Variants in BMP6 observed in about 807,000 individuals in gnomAD.
The protein encoded by BMP6 is bone morphogenetic protein 6.
Under a neutral mutation model 54.1 loss-of-function variants are expected in BMP6, and 17 were observed. That is an observed-to-expected ratio of 0.31 (90% confidence interval 0.22 to 0.47). BMP6 has a LOEUF of 0.47. BMP6 is among the 20% of genes least tolerant of loss of function. The probability of loss-of-function intolerance (pLI) is 1.00; values close to 1 mark genes in which losing one functional copy is unlikely to be tolerated. For synonymous variants in BMP6, 328 were observed against 291.2 expected (o/e 1.13, Z -1.28); for missense variants, 720 against 690.4 (o/e 1.04, Z -0.48).
At chr6:7,730,828 C>T (rs769544482) in intron 1 of BMP6, among the ~76,000 whole-genome samples, 7 of 152,196 alleles carry the variant, frequency 4.6e-5, no homozygotes, top group Non-Finnish European at 1.0e-4. Context: ...GAAAGATAAA[C>T]ATGACAGCGC....
At chr6:7,804,500 C>T (rs915975864) in intron 1 of BMP6, among the ~76,000 whole-genome samples, 1 of 152,084 alleles carries the variant, frequency 6.6e-6, no homozygotes, top group South Asian at 2.1e-4. Flanking sequence ...GGACCAGTCG[C>T]CAAAGTCCTT....
intron 1 of BMP6, among the ~76,000 whole-genome samples, chr6:7,745,397 C>T (rs1757331766): frequency 6.6e-6 from 1 of 152,178 alleles, no homozygotes; most frequent in South Asian, 2.1e-4. Context: ...CCCTAGCCTC[C>T]TGAGTAGCTG....
intron 1 of BMP6, among the ~76,000 whole-genome samples, chr6:7,814,602 C>G (rs529494385): frequency 2.6e-5 from 4 of 152,288 alleles, no homozygotes; most frequent in Admixed American, 2.0e-4. Flanking sequence ...CTACCTTTCT[C>G]TTCCTCTCAT....
intron 4 of BMP6, among the ~76,000 whole-genome samples, chr6:7,867,549 T>C (rs1759445133): frequency 6.6e-6 from 1 of 152,202 alleles, no homozygotes; most frequent in Non-Finnish European, 1.5e-5. Flanking sequence ...CCATGGACAT[T>C]CAAAGCTTGG....
At chr6:7,871,075 T>TTG (rs3031042) in intron 4 of BMP6, among the ~76,000 whole-genome samples, 93 of 151,536 alleles carry the variant, frequency 6.1e-4, no homozygotes, top group African/African-American at 1.5e-3. Context: ...ACAAATAGTT[T>TTG]TGTGTGTGTG....
intron 2 of BMP6, among the ~76,000 whole-genome samples, chr6:7,846,948 G>A (rs1460394529): frequency 2.0e-5 from 3 of 152,008 alleles, no homozygotes; most frequent in Admixed American, 6.6e-5. Context: ...GTTTTTCTCC[G>A]TCCTGCAGGA....
At chr6:7,728,849 G>A (rs1375679971) in intron 1 of BMP6, among the ~76,000 whole-genome samples, 11 of 152,192 alleles carry the variant, frequency 7.2e-5, no homozygotes. Context: ...TCTTTTAACG[G>A]CATTACTTAC....
intron 4 of BMP6, among the ~76,000 whole-genome samples, chr6:7,878,815 A>G (rs1048761989): frequency 1.8e-4 from 28 of 152,332 alleles, no homozygotes; most frequent in African/African-American, 6.0e-4. Context: ...AGGGCTCACA[A>G]CACACCTCTG....
At position 7,861,561 on chromosome 6, in the gene BMP6, A is replaced by G. The variant is rs1427849409; in HGVS notation, c.968A>G (p.His323Arg). The G allele has an allele frequency of 1.2e-6, 2 of 1,614,210 alleles. No homozygotes were observed. Among genetic ancestry groups the G allele is most frequent in the Middle Eastern group, 1.6e-4 (1 of 6,062 alleles). ...AATCTGTGGGTTGTGACTCCACAGC[A>G]TAACATGGGGCTTCAGCTGAGCGTG... ...TSNLWVVTPQ[H>R]NMGLQLSVVT... Residue 323 changes from histidine to arginine, a missense_variant, in exon 3 of 7, where the codon CAT becomes CGT. Transcript: ENST00000283147.
At chr6:7,820,484 C>A (rs576330587) in intron 1 of BMP6, among the ~76,000 whole-genome samples, 102 of 152,338 alleles carry the variant, frequency 6.7e-4, no homozygotes, top group Non-Finnish European at 1.2e-3. Flanking sequence ...CACGTGACCC[C>A]TTCTGTCCCC....
At chr6:7,769,458 C>T (rs1366331200) in intron 1 of BMP6, among the ~76,000 whole-genome samples, 2 of 152,178 alleles carry the variant, frequency 1.3e-5, no homozygotes, top group Admixed American at 1.3e-4. Flanking sequence ...CTGGCTTTTG[C>T]ATCAGATGCA....
In BMP6 at chr6:7,858,565, C is replaced by A. The variant is rs150186045; in HGVS notation, c.858-2886C>A. On this transcript the variant is annotated intron_variant, in intron 2 of 6. Coordinates refer to ENST00000283147, the MANE Select transcript of BMP6 (RefSeq NM_001718.6). ...ATGACTCTACTTTTTAGATATGTGA[C>A]GGCTAAGGACCTGGGCCCTGATTAA... Among the ~76,000 whole-genome samples the A allele has an allele frequency of 4.6e-5, 7 of 152,092 alleles. No individual in the cohort carries two copies. The South Asian group carries it at 1.5e-3, about 32-fold the overall frequency.
In BMP6 at chr6:7,862,319, G is replaced by A; in HGVS notation, c.1025G>A (p.Arg342Gln). 3.1e-6 allele frequency: 5 copies of A among 1,614,172 alleles called. No individual in the cohort carries two copies. The highest frequency in any genetic ancestry group is 4.2e-6 in the Non-Finnish European group (5 of 1,180,036). ...VTRDGVHVHP[R>Q]AAGLVGRDGP... is the part of the protein sequence containing the mutation. ...ATTAAAGGAGTCCACGTCCACCCCCGAGCCGCAGGCCTGGTGGGCAGAGAC... is the reference window on the plus strand; with the variant it reads ...ATTAAAGGAGTCCACGTCCACCCCCAAGCCGCAGGCCTGGTGGGCAGAGAC... The change falls in exon 4 of 7, where the codon CGA becomes CAA. Residue 342 changes from arginine (R) to glutamine (Q), a missense_variant. Around this residue, in one of 3 missense-constraint regions of BMP6, gnomAD observed 650 missense variants for 556.3 expected, o/e 1.17. Coordinates refer to ENST00000283147, the MANE Select transcript of BMP6 (RefSeq NM_001718.6).
chr6:7,873,499 G>A (rs544210727), intron 4 of BMP6, among the ~76,000 whole-genome samples: 13 of 152,264 alleles, frequency 8.5e-5, no homozygotes, highest in African/African-American at 3.1e-4. Flanking sequence ...CTGAGCCTCA[G>A]TGTCTGGAGT....
At chr6:7,874,531 A>G (rs1759576429) in intron 4 of BMP6, among the ~76,000 whole-genome samples, 1 of 152,196 alleles carries the variant, frequency 6.6e-6, no homozygotes, top group Admixed American at 6.5e-5. Context: ...TAAAGCAGGA[A>G]GATCACTTGA....
intron 1 of BMP6, among the ~76,000 whole-genome samples, chr6:7,736,541 A>G (rs925635804): frequency 3.3e-5 from 5 of 152,240 alleles, no homozygotes; most frequent in Non-Finnish European, 7.3e-5. Flanking sequence ...GAGTAAAACT[A>G]AATTAACAGA....
intron 2 of BMP6, among the ~76,000 whole-genome samples, chr6:7,859,066 T>C (rs1489176304): frequency 6.6e-6 from 1 of 152,084 alleles, no homozygotes; most frequent in Non-Finnish European, 1.5e-5. Context: ...ACCCCGTAGG[T>C]GCAATTGCTT....
At chr6:7,870,932 C>T (rs1759514091) in intron 4 of BMP6, among the ~76,000 whole-genome samples, 1 of 152,176 alleles carries the variant, frequency 6.6e-6, no homozygotes. Context: ...CCCGGCCTGT[C>T]TTGGATCTTT....
At position 7,825,163 on chromosome 6, in the gene BMP6, T is replaced by C. The variant is rs545946916; in HGVS notation, c.665-19977T>C. Among the ~76,000 whole-genome samples, 4 of 152,172 alleles carry C rather than the reference T, an allele frequency of 2.6e-5. No individual in the cohort carries two copies. In the East Asian group the frequency reaches 7.7e-4, roughly 29 times the overall value. Reference sequence around the variant, plus strand: ...GAGACCCCATTTCTACAAAAAATATTTTGAAAACTAGCTGGGTATGGTGGC... The same window carrying C: ...GAGACCCCATTTCTACAAAAAATATCTTGAAAACTAGCTGGGTATGGTGGC... On this transcript the variant is annotated intron_variant, in intron 1 of 6. Transcript: ENST00000283147.
Sources: gnomAD v4.1 joint callset for allele counts (sites outside exome capture counted in the v4.1 genomes callset) on GRCh38, gnomAD v4.1.1 for gene constraint, gnomAD v4.1.1 regional missense constraint, MANE v1.5 for transcripts, NCBI Gene and HGNC (gene_info 2026-07-23, HGNC 2026-07-21) for gene names.